The following ZBTB20 variants were observed in gnomAD, a reference collection of about 807,000 sequenced individuals.
ZBTB20 encodes the protein zinc finger and BTB domain containing 20.
A neutral mutation model predicts 56.9 loss-of-function variants in ZBTB20; 9 were observed. The observed-to-expected ratio is 0.16, with a 90% CI of 0.10 to 0.28. ZBTB20 has a LOEUF of 0.28. Ranked by LOEUF, ZBTB20 falls within the 10% of genes least tolerant of loss-of-function variation. The pLI is 1.00. For missense variants in ZBTB20, 655 were observed against 1,003.0 expected, an observed-to-expected ratio of 0.65 and a Z score of 4.69; for synonymous variants, 417 against 420.7, an observed-to-expected ratio of 0.99 and a Z score of 0.11.
At chr3:114,651,809 T>C (rs1184334077) in intron 6 of ZBTB20, among the ~76,000 whole-genome samples, 1 of 152,020 alleles carries the variant, frequency 6.6e-6, no homozygotes, top group African/African-American at 2.4e-5. Flanking sequence ...GCTTGTTAAT[T>C]AGATATTTCT....
chr3:114,361,798 G>A (rs995106928), intron 10 of ZBTB20, among the ~76,000 whole-genome samples: 1 of 152,172 alleles, frequency 6.6e-6, no homozygotes, highest in Admixed American at 6.5e-5. Flanking sequence ...TGGGGTAATT[G>A]CTTGGCACAC....
In ZBTB20 at chr3:114,547,633, T is replaced by C. The variant is rs192426533; in HGVS notation, c.-294-47242A>G. ...TAAGGGGTGTATGCATGTGAATGCA[T>C]GTGTGTTACTATAGGCACACAGATT... On this transcript the variant is annotated intron_variant, in intron 6 of 11. Coordinates refer to ENST00000675478, the MANE Select transcript of ZBTB20 (RefSeq NM_001348800.3). 2.3e-4 allele frequency among the ~76,000 whole-genome samples: 35 copies of C among 152,330 alleles called. No individual in the cohort carries two copies. In the East Asian group the frequency reaches 5.6e-3, roughly 24 times the overall value.
chr3:114,679,852 C>A (rs888488995), intron 6 of ZBTB20, among the ~76,000 whole-genome samples: 5 of 152,148 alleles, frequency 3.3e-5, no homozygotes, highest in African/African-American at 1.2e-4. Flanking sequence ...TTTATTGCAG[C>A]ACTATTCACA....
chr3:115,011,594 T>C (rs550908040), intron 2 of ZBTB20, among the ~76,000 whole-genome samples: 1 of 151,878 alleles, frequency 6.6e-6, no homozygotes, highest in East Asian at 2.0e-4. Context: ...ATGAAGACTT[T>C]CCCAGACAAA....
intron 7 of ZBTB20, among the ~76,000 whole-genome samples, chr3:114,449,212 A>C (rs2091453528): frequency 6.6e-6 from 1 of 152,200 alleles, no homozygotes; most frequent in South Asian, 2.1e-4. Flanking sequence ...TAGAATATTC[A>C]GTTCTCAAAA....
At chr3:115,084,030 T>C (rs2082893394) in intron 1 of ZBTB20, among the ~76,000 whole-genome samples, 1 of 151,844 alleles carries the variant, frequency 6.6e-6, no homozygotes, top group African/African-American at 2.4e-5. Context: ...ATAAGCACTA[T>C]TAGCTAATAA....
chr3:114,515,806 C>T (rs947304224), intron 6 of ZBTB20, among the ~76,000 whole-genome samples: 1 of 152,102 alleles, frequency 6.6e-6, no homozygotes, highest in Non-Finnish European at 1.5e-5. Context: ...TTTCAATTTT[C>T]CTACTGCCTG....
intron 6 of ZBTB20, among the ~76,000 whole-genome samples, chr3:114,692,747 C>T (rs2062774324): frequency 6.6e-6 from 1 of 152,132 alleles, no homozygotes; most frequent in Non-Finnish European, 1.5e-5. Flanking sequence ...GCACTCTTCT[C>T]CCAGTCATGG....
chr3:114,377,535 C>T (rs1414425257), intron 10 of ZBTB20, among the ~76,000 whole-genome samples: 1 of 152,188 alleles, frequency 6.6e-6, no homozygotes, highest in Non-Finnish European at 1.5e-5. Context: ...GGTGGCTTAC[C>T]CACCCATGTC....
At chr3:114,721,966 G>A (rs1180577164) in intron 5 of ZBTB20, among the ~76,000 whole-genome samples, 1 of 152,154 alleles carries the variant, frequency 6.6e-6, no homozygotes, top group East Asian at 1.9e-4. Context: ...AGAAGCAACT[G>A]AACCACCAAA....
intron 6 of ZBTB20, among the ~76,000 whole-genome samples, chr3:114,683,062 C>A (rs1339205362): frequency 6.6e-6 from 1 of 152,034 alleles, no homozygotes; most frequent in African/African-American, 2.4e-5. Flanking sequence ...AGAAATATAG[C>A]TAACATGGAA....
At chr3:114,876,134 T>C (rs1221541683) in intron 4 of ZBTB20, among the ~76,000 whole-genome samples, 3 of 151,920 alleles carry the variant, frequency 2.0e-5, no homozygotes, top group Middle Eastern at 3.4e-3. Context: ...TTTTTTTTTT[T>C]TAATTTTTTA....
chr3:115,032,562 C>T (rs1435150316), intron 2 of ZBTB20, among the ~76,000 whole-genome samples: 1 of 151,244 alleles, frequency 6.6e-6, no homozygotes, highest in African/African-American at 2.4e-5. Context: ...GGGAACACTC[C>T]ACCCAACAAA....
intron 3 of ZBTB20, among the ~76,000 whole-genome samples, chr3:114,905,988 T>C (rs1374196619): frequency 6.6e-6 from 1 of 151,852 alleles, no homozygotes; most frequent in East Asian, 1.9e-4. Context: ...ACCTCCACTA[T>C]TTTATTCTTT....
intron 1 of ZBTB20, among the ~76,000 whole-genome samples, chr3:115,104,674 G>A (rs565308047): frequency 3.9e-5 from 6 of 152,246 alleles, no homozygotes; most frequent in South Asian, 2.1e-4. Flanking sequence ...AAACCATGGA[G>A]ACAGCAAAAA....
chr3:114,501,837 T>A (rs1365970255), intron 6 of ZBTB20, among the ~76,000 whole-genome samples: 1 of 150,632 alleles, frequency 6.6e-6, no homozygotes, highest in Non-Finnish European at 1.5e-5. Flanking sequence ...GCCTCCTGAG[T>A]AGCTGGGACT....
chr3:114,428,235 A>G (rs1241592075), intron 7 of ZBTB20, among the ~76,000 whole-genome samples: 1 of 152,212 alleles, frequency 6.6e-6, no homozygotes, highest in Non-Finnish European at 1.5e-5. Flanking sequence ...TAATGACTTA[A>G]AAACCACGTT....
Position 114,976,582 on chromosome 3 carries a change from C to T in ZBTB20, c.-506-2166G>A, listed in dbSNP as rs552515890. On this transcript the variant is annotated intron_variant, in intron 2 of 11. Coordinates refer to ENST00000675478, the MANE Select transcript of ZBTB20 (RefSeq NM_001348800.3). ...TGGAGGTTGCAGTGAGCCAAGATCG[C>T]GCCACTGCCCTTCAGCCTGGGTGAT... Among the ~76,000 whole-genome samples the T allele has an allele frequency of 7.3e-5, 11 of 150,906 alleles. No individual in the cohort carries two copies. In the East Asian group the frequency reaches 1.4e-3, roughly 19 times the overall value.
At chr3:114,551,303 G>A (rs2050548062) in intron 6 of ZBTB20, among the ~76,000 whole-genome samples, 1 of 152,206 alleles carries the variant, frequency 6.6e-6, no homozygotes, top group Admixed American at 6.5e-5. Flanking sequence ...TGTGCCTACT[G>A]TGTCCTGTCC....
Sources: allele counts gnomAD v4.1 joint callset (sites outside exome capture counted in the v4.1 genomes callset), GRCh38; gene constraint gnomAD v4.1.1; transcripts MANE v1.5; gene names NCBI Gene and HGNC (gene_info 2026-07-23, HGNC 2026-07-21).